The following DCBLD2 variants were observed in gnomAD, a reference collection of about 807,000 sequenced individuals.
DCBLD2 encodes discoidin, CUB and LCCL domain containing 2.
DCBLD2 carries 54 observed loss-of-function variants against 86.8 expected under a neutral mutation model. The ratio of observed to expected loss-of-function variants is 0.62; its 90% CI spans 0.50 to 0.78. The LOEUF (loss-of-function observed/expected upper bound fraction) is 0.78, where lower values mean the gene tolerates loss of function less well. Ranked by LOEUF, DCBLD2 falls within the 30% of genes least tolerant of loss-of-function variation. The probability of loss-of-function intolerance (pLI) is 0.00; values close to 1 mark genes in which losing one functional copy is unlikely to be tolerated. For synonymous variants in DCBLD2, 354 were observed against 341.3 expected (o/e 1.04, Z -0.41); for missense variants, 908 against 954.2 (o/e 0.95, Z 0.64).
At chr3:98,891,910 T>C (rs578234186) in intron 1 of DCBLD2, among the ~76,000 whole-genome samples, 15 of 140,126 alleles carry the variant, frequency 1.1e-4, no homozygotes, top group African/African-American at 3.7e-4. Flanking sequence ...CTGTACTTAA[T>C]ATGCTTAATT....
chr3:98,883,193 A>G lies in DCBLD2; in HGVS notation c.206-1426T>C, dbSNP rs113806124. Among the ~76,000 whole-genome samples the G allele has an allele frequency of 1.4e-3, 198 of 139,194 alleles. 1 individual carries two copies. The East Asian group carries it at 0.017, about 12-fold the overall frequency. The allele number at this position is 139,194 out of a possible 152,430, so 91.3% of individuals were successfully genotyped here. A position where few individuals can be genotyped will look rare whatever the true frequency, so the allele number is the denominator to read the frequency against. ...ACCAGTGATGATGAGCATTTTTTTC[A>G]TATGTTTGTTGGCTGCATAAATGTC... is the stretch of plus-strand genomic sequence containing the variant. On this transcript the variant is annotated intron_variant, in intron 1 of 15. Coordinates refer to ENST00000326840, the MANE Select transcript of DCBLD2 (RefSeq NM_080927.4).
intron 1 of DCBLD2, 198 bp downstream of exon 1, chr3:98,900,924 G>C (rs1329426859): frequency 1.0e-6 from 1 of 964,524 alleles, no homozygotes. Flanking sequence ...TTGCCAAAAA[G>C]TAAAGCCGCG....
intron 2 of DCBLD2, among the ~76,000 whole-genome samples, chr3:98,858,586 A>G (rs1942980663): frequency 6.6e-6 from 1 of 152,266 alleles, no homozygotes; most frequent in Non-Finnish European, 1.5e-5. Context: ...TTCGCATAGC[A>G]AAGAAAACAA....
chr3:98,901,101 C>A, intron 1 of DCBLD2, 21 bp downstream of exon 1: 1 of 1,538,908 alleles, frequency 6.5e-7, no homozygotes, highest in South Asian at 1.2e-5. Context: ...CCCCGCCGCT[C>A]ACTCCCCTGG....
intron 1 of DCBLD2, chr3:98,890,522 C>T (rs1036102508): frequency 2.0e-5 from 3 of 152,050 alleles, no homozygotes; most frequent in Admixed American, 1.3e-4. Flanking sequence ...CTAGGAAACA[C>T]ACAGATCTAC....
At chr3:98,868,599 TC>T (rs1559793577) in intron 2 of DCBLD2, among the ~76,000 whole-genome samples, 1 of 152,130 alleles carries the variant, frequency 6.6e-6, no homozygotes, top group Non-Finnish European at 1.5e-5. Context: ...GATTTTTTAA[TC>T]CCTTACCACC....
chr3:98,817,488 CT>C (rs1367024719), intron 9 of DCBLD2, among the ~76,000 whole-genome samples: 1 of 152,118 alleles, frequency 6.6e-6, no homozygotes, highest in Non-Finnish European at 1.5e-5. Context: ...TACAAGGTCC[CT>C]TTTAGACTTT....
intron 3 of DCBLD2, among the ~76,000 whole-genome samples, chr3:98,844,343 T>TTTTTTATTATTATTATTA (rs1553727635): frequency 6.9e-6 from 1 of 145,894 alleles, no homozygotes; most frequent in Non-Finnish European, 1.5e-5. Context: ...GTCAGTAGCA[T>TTTTTTATTATTATTATTA]TTATTATTAT....
chr3:98,825,044 G>C (rs1472350986), intron 4 of DCBLD2, among the ~76,000 whole-genome samples: 4 of 152,112 alleles, frequency 2.6e-5, no homozygotes, highest in African/African-American at 9.7e-5. Flanking sequence ...AGTTTTGCTA[G>C]ATTTTGAAAA....
chr3:98,878,181 T>C (rs1052654459), intron 2 of DCBLD2, among the ~76,000 whole-genome samples: 1 of 152,216 alleles, frequency 6.6e-6, no homozygotes, highest in Non-Finnish European at 1.5e-5. Context: ...GTATTGGTTA[T>C]GAAGAGCAGC....
chr3:98,845,591 G>T (rs938109844), intron 3 of DCBLD2, among the ~76,000 whole-genome samples: 18 of 152,130 alleles, frequency 1.2e-4, no homozygotes, highest in African/African-American at 4.3e-4. Context: ...CACAGAGCAG[G>T]GAAGACTGCA....
chr3:98,841,568 T>C (rs1942621654), intron 3 of DCBLD2, among the ~76,000 whole-genome samples: 1 of 152,246 alleles, frequency 6.6e-6, no homozygotes, highest in African/African-American at 2.4e-5. Context: ...TTGACAGTGT[T>C]GGCTATTTCT....
In DCBLD2 at chr3:98,819,239, C is replaced by A; in HGVS notation, c.1050G>T (p.Trp350Cys). The change falls in exon 8 of 16, where the codon TGG (tryptophan) becomes TGT (cysteine). Residue 350 changes from tryptophan (W) to cysteine (C), a missense_variant. By Grantham distance (215) the Trp-to-Cys change is radical (BLOSUM62 -2). Coordinates refer to ENST00000326840, the MANE Select transcript of DCBLD2 (RefSeq NM_080927.4). ...WAAFATDEYQ[W>C]LQIDLNKEKK... ...TTTCCTTATTCAAATCTATTTGTAACCACTGGTATTCATCAGTGGCAAAAG... is the reference window on the plus strand; with the variant it reads ...TTTCCTTATTCAAATCTATTTGTAAACACTGGTATTCATCAGTGGCAAAAG... The A allele has an allele frequency of 6.2e-7, 1 of 1,600,674 alleles. No homozygotes were observed. The highest frequency in any genetic ancestry group is 8.5e-7 in the Non-Finnish European group (1 of 1,173,026).
At position 98,819,338 on chromosome 3, in the gene DCBLD2, A is replaced by G. The variant is rs1237615151; in HGVS notation, c.951T>C (p.Thr317=). 6 of 1,613,666 alleles carry G rather than the reference A, an allele frequency of 3.7e-6. No individual in the cohort carries two copies. Residue 317 remains threonine (T), a synonymous_variant, in exon 8 of 16, where the codon ACT becomes ACC. Coordinates refer to ENST00000326840, the MANE Select transcript of DCBLD2 (RefSeq NM_080927.4). ...AACTGTTCTCTTGCCCTGTGTGGTC[A>G]GTCCACTCCAGCACAGATGATGCTG... ...QITASSVLEW[T]DHTGQENSWK... is the part of the protein sequence containing the mutation.
intron 2 of DCBLD2, among the ~76,000 whole-genome samples, chr3:98,877,872 A>G (rs1421029052): frequency 6.6e-6 from 1 of 152,188 alleles, no homozygotes; most frequent in Non-Finnish European, 1.5e-5. Context: ...TAGCGTGAAG[A>G]GGCTCCCACT....
intron 3 of DCBLD2, among the ~76,000 whole-genome samples, chr3:98,832,453 T>C (rs1388981514): frequency 6.6e-6 from 1 of 152,232 alleles, no homozygotes; most frequent in Non-Finnish European, 1.5e-5. Context: ...GTAGTATTGA[T>C]ATGTGTGCAT....
intron 2 of DCBLD2, among the ~76,000 whole-genome samples, chr3:98,863,559 T>C (rs577855642): frequency 1.7e-3 from 258 of 152,090 alleles, no homozygotes; most frequent in Admixed American, 6.2e-3. Context: ...AATAATACCA[T>C]ACATTTACAA....
At chr3:98,837,471 A>C in intron 3 of DCBLD2, among the ~76,000 whole-genome samples, 1 of 31,690 alleles carries the variant, frequency 3.2e-5, no homozygotes, top group Non-Finnish European at 6.3e-5. Context: ...CGGGGGGCTG[A>C]CCCCCCCACC....
In DCBLD2 at chr3:98,801,592, T is replaced by C; in HGVS notation, c.1720+8A>G. On this transcript the variant is annotated splice_region_variant and intron_variant, in intron 14 of 15. Transcript: ENST00000326840. ...ATAGAAATGAGATGCAAAGACCACG[T>C]GAGTTACCTGCCCGGTCCCAGTAAG... 1.2e-6 allele frequency: 2 copies of C among 1,608,118 alleles called. No homozygotes were observed. Among genetic ancestry groups the C allele is most frequent in the South Asian group, 1.1e-5 (1 of 89,962 alleles).
Sources: allele counts gnomAD v4.1 joint callset (sites outside exome capture counted in the v4.1 genomes callset), GRCh38; gene constraint gnomAD v4.1.1; transcripts MANE v1.5; gene names NCBI Gene and HGNC (gene_info 2026-07-23, HGNC 2026-07-21).